Variants in AFDN observed in about 807,000 individuals in gnomAD.
AFDN encodes afadin.
In AFDN, 68 loss-of-function variants were observed where a neutral mutation model predicts 216.6. The ratio of observed to expected loss-of-function variants is 0.31; its 90% confidence interval spans 0.26 to 0.38. The LOEUF (loss-of-function observed/expected upper bound fraction) is 0.38, where lower values mean the gene tolerates loss of function less well. Among genes scored for constraint, AFDN ranks in the 10% least tolerant of loss-of-function variants. AFDN has a pLI of 1.00. For missense variants in AFDN, 2,136 were observed against 2,342.0 expected (o/e 0.91, Z 1.82); for synonymous variants, 868 against 853.7 (o/e 1.02, Z -0.29).
intron 9 of AFDN, among the ~76,000 whole-genome samples, chr6:167,896,266 C>T (rs917187901): frequency 2.6e-5 from 4 of 151,514 alleles, no homozygotes; most frequent in African/African-American, 9.7e-5. Flanking sequence ...CCTTTTACTC[C>T]AGTTCTACTC....
chr6:167,857,954 TATAAAC>T (rs2128206126), intron 1 of AFDN, among the ~76,000 whole-genome samples: 1 of 152,306 alleles, frequency 6.6e-6, no homozygotes, highest in South Asian at 2.1e-4. Context: ...ATGATTGAGT[TATAAAC>T]ATAATCTTTA....
At chr6:167,924,422 C>G (rs1488047562) in intron 22 of AFDN, among the ~76,000 whole-genome samples, 2 of 152,178 alleles carry the variant, frequency 1.3e-5, no homozygotes, top group Non-Finnish European at 2.9e-5. Flanking sequence ...GTTTTAGGCT[C>G]CTTACCCAGC....
intron 21 of AFDN, among the ~76,000 whole-genome samples, chr6:167,919,302 C>T (rs1396695754): frequency 8.5e-5 from 13 of 152,222 alleles, no homozygotes; most frequent in Non-Finnish European, 7.3e-5. Context: ...TTTGTTGATA[C>T]CAGCATAGCA....
chr6:167,889,105 A>C (rs1450582587), intron 6 of AFDN, 110 bp from the exon 7 acceptor site: 1 of 662,816 alleles, frequency 1.5e-6, no homozygotes, highest in East Asian at 2.6e-5. Flanking sequence ...TCTAGTGCTT[A>C]ATTCTACGGT....
At chr6:167,899,614 C>A (rs1788695014) in intron 11 of AFDN, among the ~76,000 whole-genome samples, 1 of 152,160 alleles carries the variant, frequency 6.6e-6, no homozygotes, top group South Asian at 2.1e-4. Context: ...CAATCATCAG[C>A]TTTTCTTCAG....
At chr6:167,924,411 A>T (rs1211879886) in intron 22 of AFDN, among the ~76,000 whole-genome samples, 1 of 152,142 alleles carries the variant, frequency 6.6e-6, no homozygotes, top group African/African-American at 2.4e-5. Context: ...ACGGTCTGTC[A>T]GTTTTAGGCT....
At chr6:167,853,299 G>A (rs769878443) in intron 1 of AFDN, among the ~76,000 whole-genome samples, 5 of 152,076 alleles carry the variant, frequency 3.3e-5, no homozygotes, top group African/African-American at 4.8e-5. Context: ...GTATCATATA[G>A]TTATTATTAC....
intron 31 of AFDN, chr6:167,963,308 C>T: frequency 9.4e-7 from 1 of 1,063,402 alleles, no homozygotes; most frequent in Non-Finnish European, 1.1e-6. Flanking sequence ...CCTGTTTCAT[C>T]CCGAGGGGAC....
At chr6:167,954,404 T>C (rs1796296561) in intron 30 of AFDN, 1 of 1,511,330 alleles carries the variant, frequency 6.6e-7, no homozygotes, top group African/African-American at 1.4e-5. Flanking sequence ...TAAACCTAAC[T>C]TTTTTTTCCA....
intron 1 of AFDN, among the ~76,000 whole-genome samples, chr6:167,843,716 A>T (rs1781326354): frequency 2.0e-5 from 3 of 152,210 alleles, no homozygotes; most frequent in Admixed American, 6.5e-5. Context: ...TACAGCAAAA[A>T]TTTATTAAAT....
At chr6:167,969,716 G>A (rs918666946) in intron 33 of AFDN, 66 bp from the exon 34 acceptor site, 129 of 1,470,872 alleles carry the variant, frequency 8.8e-5, no homozygotes, top group Non-Finnish European at 1.1e-4. Context: ...TTTTGCAAAC[G>A]TGTGTAATTG....
chr6:167,937,774 A>G (rs1241226364), intron 23 of AFDN, among the ~76,000 whole-genome samples: 42 of 152,228 alleles, frequency 2.8e-4, no homozygotes, highest in East Asian at 1.9e-4. Flanking sequence ...TTTTGTATCT[A>G]TCTTTCTAAA....
At chr6:167,898,761 T>C (rs1380984629) in intron 11 of AFDN, among the ~76,000 whole-genome samples, 1 of 152,192 alleles carries the variant, frequency 6.6e-6, no homozygotes, top group East Asian at 1.9e-4. Flanking sequence ...AAAAACATGG[T>C]GTTCTTTGTA....
chr6:167,846,308 T>C (rs1283680292), intron 1 of AFDN, among the ~76,000 whole-genome samples: 1 of 152,128 alleles, frequency 6.6e-6, no homozygotes, highest in African/African-American at 2.4e-5. Context: ...ATGAGATCTT[T>C]AAATGTTGAC....
intron 1 of AFDN, among the ~76,000 whole-genome samples, chr6:167,833,230 T>C (rs1038633870): frequency 6.6e-6 from 1 of 152,242 alleles, no homozygotes; most frequent in Non-Finnish European, 1.5e-5. Context: ...AGCTCTAGTC[T>C]AGCTCTGCCA....
At chr6:167,952,521 C>A in intron 30 of AFDN, 1 of 985,292 alleles carries the variant, frequency 1.0e-6, no homozygotes, top group African/African-American at 1.7e-5. Context: ...TAATCTTGAT[C>A]CAGGGTAGGC....
chr6:167,894,311 T>C (rs1754548297), intron 9 of AFDN, among the ~76,000 whole-genome samples: 1 of 152,174 alleles, frequency 6.6e-6, no homozygotes, highest in South Asian at 2.1e-4. Context: ...GTTGTGGGGT[T>C]ACTTAGATTT....
At chr6:167,856,475 C>T (rs1468097579) in intron 1 of AFDN, among the ~76,000 whole-genome samples, 1 of 152,034 alleles carries the variant, frequency 6.6e-6, no homozygotes, top group African/African-American at 2.4e-5. Context: ...TCTTTATGTG[C>T]ACATACTCTT....
At chr6:167,873,113 C>G (rs1784961263) in intron 4 of AFDN, among the ~76,000 whole-genome samples, 1 of 152,140 alleles carries the variant, frequency 6.6e-6, no homozygotes, top group Admixed American at 6.5e-5. Flanking sequence ...ACATGGTATT[C>G]TATACATTAC....
Sources: allele counts gnomAD v4.1 joint callset (sites outside exome capture counted in the v4.1 genomes callset), GRCh38; gene constraint gnomAD v4.1.1; transcripts MANE v1.5; gene names NCBI Gene and HGNC (gene_info 2026-07-23, HGNC 2026-07-21).